GRID2: variants seen among roughly 807,000 people sequenced by gnomAD.
The protein encoded by GRID2 is glutamate ionotropic receptor delta type subunit 2.
In GRID2, 33 loss-of-function variants were observed where a neutral mutation model predicts 114.8. The ratio of observed to expected loss-of-function variants is 0.29; its 90% CI spans 0.22 to 0.38. GRID2 has a LOEUF of 0.38. Among genes scored for constraint, GRID2 ranks in the 10% least tolerant of loss-of-function variants. The pLI is 1.00. For synonymous variants in GRID2, 505 were observed against 449.9 expected (o/e 1.12, Z -1.55); for missense variants, 1,184 against 1,257.7 (o/e 0.94, Z 0.89).
At chr4:93,545,948 T>C (rs1733171008) in intron 13 of GRID2, among the ~76,000 whole-genome samples, 1 of 151,992 alleles carries the variant, frequency 6.6e-6, no homozygotes, top group Non-Finnish European at 1.5e-5. Context: ...AAAATAATAG[T>C]GTTTTTAAAA....
chr4:92,783,494 T>G (rs1490505552), intron 2 of GRID2, among the ~76,000 whole-genome samples: 1 of 152,126 alleles, frequency 6.6e-6, no homozygotes. Context: ...GTGAATTAAT[T>G]CAAATATTAA....
Position 93,626,346 on chromosome 4 carries a change from CT to C in GRID2, c.2275del (p.Tyr759ThrfsTer42). ...YVAINDPDCS[F>X]YTIGNTVADR... ...TGGCTATCAATGACCCAGATTGTTC[CT>C]TTTACACCATTGGAAATACTGTTGC... On this transcript the variant is annotated frameshift_variant, in exon 14 of 16. Coordinates refer to ENST00000282020, the MANE Select transcript of GRID2 (RefSeq NM_001510.4). LOFTEE classifies it high-confidence loss of function. 6.2e-7 allele frequency: 1 copy of C among 1,604,568 alleles called. No individual in the cohort carries two copies. The highest frequency in any genetic ancestry group is 8.5e-7 in the Non-Finnish European group (1 of 1,171,666).
chr4:93,679,663 G>C (rs1419643381), intron 14 of GRID2, among the ~76,000 whole-genome samples: 3 of 150,994 alleles, frequency 2.0e-5, no homozygotes, highest in South Asian at 2.1e-4. Flanking sequence ...CTGACAGCCT[G>C]CTCCTGAATG....
intron 2 of GRID2, among the ~76,000 whole-genome samples, chr4:92,637,522 G>A (rs1043434729): frequency 1.3e-5 from 2 of 151,936 alleles, no homozygotes; most frequent in Non-Finnish European, 2.9e-5. Flanking sequence ...TTGTATCTGA[G>A]AACTTTTCTT....
rs190795983 is a variant in GRID2 at position 93,599,307 on chromosome 4, C to A, written c.2194-26962C>A. Among the ~76,000 whole-genome samples the A allele has an allele frequency of 8.3e-4, 127 of 152,320 alleles. 1 individual carries two copies. Among genetic ancestry groups the A allele is most frequent in the Admixed American group, 7.3e-3 (112 of 15,304 alleles). On this transcript the variant is annotated intron_variant, in intron 13 of 15. Coordinates refer to ENST00000282020, the MANE Select transcript of GRID2 (RefSeq NM_001510.4). Reference sequence around the variant, plus strand: ...TTTATAGCACTGTCATTAGTGGTCACTTCTAAGCACAAGGAAACTTAAAAG... The same window carrying A: ...TTTATAGCACTGTCATTAGTGGTCAATTCTAAGCACAAGGAAACTTAAAAG...
intron 1 of GRID2, among the ~76,000 whole-genome samples, chr4:92,510,237 A>C (rs1189173244): frequency 6.6e-6 from 1 of 151,930 alleles, no homozygotes; most frequent in African/African-American, 2.4e-5. Flanking sequence ...AAGAGAGAAA[A>C]AAAGCATATA....
At chr4:92,855,062 A>G (rs549212753) in intron 2 of GRID2, among the ~76,000 whole-genome samples, 19 of 152,218 alleles carry the variant, frequency 1.2e-4, no homozygotes, top group Admixed American at 3.3e-4. Flanking sequence ...GCTATTCTTT[A>G]TAAAAAGCCA....
intron 3 of GRID2, among the ~76,000 whole-genome samples, chr4:93,107,363 C>T (rs1187181566): frequency 6.6e-6 from 1 of 151,996 alleles, no homozygotes; most frequent in Non-Finnish European, 1.5e-5. Context: ...AAAAATGTTA[C>T]AGTCACATAT....
intron 2 of GRID2, among the ~76,000 whole-genome samples, chr4:92,634,114 C>CA (rs748692047): frequency 0.012 from 1,554 of 134,300 alleles, 10 homozygotes; most frequent in African/African-American, 0.018. Flanking sequence ...ACAAAAATTG[C>CA]AAAAAAAAAA....
At chr4:93,244,998 A>G (rs2149522354) in intron 8 of GRID2, among the ~76,000 whole-genome samples, 1 of 152,160 alleles carries the variant, frequency 6.6e-6, no homozygotes, top group Admixed American at 6.6e-5. Flanking sequence ...TCTAACAATG[A>G]ATTCATGTCT....
intron 13 of GRID2, among the ~76,000 whole-genome samples, chr4:93,547,202 C>CT (rs1733308832): frequency 2.6e-5 from 4 of 152,212 alleles, no homozygotes; most frequent in Admixed American, 2.6e-4. Context: ...CTATAATAGA[C>CT]TAGGGATTTC....
rs141255812 is a variant in GRID2, at chr4:93,784,564, A to G, written c.221+15114A>G. Among the ~76,000 whole-genome samples, 404 of 152,218 alleles carry G rather than the reference A, an allele frequency of 2.7e-3. 4 individuals are homozygous for G. Among genetic ancestry groups the G allele is most frequent in the African/African-American group, 9.3e-3 (386 of 41,528 alleles). On this transcript the variant is annotated intron_variant, in intron 1 of 1. Transcript: ENST00000637838. ...CTTTTGGCTTGAATCAGGAAGTCCT[A>G]TGGAGACAGACAGAAGATGGAAAAA...
rs1721109350 is a variant in GRID2, at chr4:92,454,588, G to A, written c.89-135543G>A. Among the ~76,000 whole-genome samples the A allele has an allele frequency of 4.6e-5, 7 of 152,298 alleles. No homozygotes were observed. In the South Asian group the frequency reaches 1.4e-3, roughly 32 times the overall value. Reference sequence around the variant, plus strand: ...CTGGTGGCTCACGCCTGTAATCCCAGCACTTTGGGAGGCCGAGATCGGCAG... The same window carrying A: ...CTGGTGGCTCACGCCTGTAATCCCAACACTTTGGGAGGCCGAGATCGGCAG... On this transcript the variant is annotated intron_variant, in intron 1 of 15. Transcript: ENST00000282020.
chr4:92,500,377 TAA>T (rs1362786976), intron 1 of GRID2, among the ~76,000 whole-genome samples: 21 of 151,858 alleles, frequency 1.4e-4, no homozygotes, highest in African/African-American at 5.1e-4. Context: ...CTACAAAAGT[TAA>T]ATTCTTTTAA....
intron 1 of GRID2, among the ~76,000 whole-genome samples, chr4:92,518,841 T>C (rs563321274): frequency 6.6e-6 from 1 of 151,948 alleles, no homozygotes; most frequent in Non-Finnish European, 1.5e-5. Flanking sequence ...AGACAAGCTG[T>C]ACCATTCTTT....
At chr4:92,467,833 T>A (rs183406515) in intron 1 of GRID2, among the ~76,000 whole-genome samples, 7 of 152,160 alleles carry the variant, frequency 4.6e-5, no homozygotes, top group Admixed American at 4.6e-4. Context: ...AAATTGAAGC[T>A]AGGCTTAAAA....
chr4:93,068,043 T>C (rs937802781), intron 2 of GRID2, among the ~76,000 whole-genome samples: 20 of 152,214 alleles, frequency 1.3e-4, no homozygotes, highest in Middle Eastern at 3.4e-3. Flanking sequence ...TTTTATTCAT[T>C]TGGGCATATC....
intron 14 of GRID2, among the ~76,000 whole-genome samples, chr4:93,717,931 A>G (rs370727430): frequency 6.6e-6 from 1 of 152,154 alleles, no homozygotes; most frequent in African/African-American, 2.4e-5. Flanking sequence ...AGTGAGTGTA[A>G]TACAGGAAAG....
chr4:93,446,611 C>T (rs1436318537), intron 10 of GRID2, among the ~76,000 whole-genome samples: 1 of 151,986 alleles, frequency 6.6e-6, no homozygotes, highest in Non-Finnish European at 1.5e-5. Context: ...AATTGAAGAT[C>T]TCATGAACTT....
Sources: gnomAD v4.1 joint callset for allele counts (sites outside exome capture counted in the v4.1 genomes callset) on GRCh38, gnomAD v4.1.1 for gene constraint, MANE v1.5 for transcripts, NCBI Gene and HGNC (gene_info 2026-07-23, HGNC 2026-07-21) for gene names.